NAALADL2: variants seen among roughly 807,000 people sequenced by gnomAD.
NAALADL2 encodes inactive N-acetylated-alpha-linked acidic dipeptidase-like protein 2.
NAALADL2 carries 76 observed loss-of-function variants against 87.2 expected under a neutral mutation model. The observed-to-expected ratio is 0.87, with a 90% CI of 0.72 to 1.05. NAALADL2 has a LOEUF of 1.05. NAALADL2 is among the 50% of genes least tolerant of loss of function. The pLI is 0.00. For synonymous variants in NAALADL2, 354 were observed against 331.0 expected (o/e 1.07, Z -0.75); for missense variants, 1,089 against 945.8 (o/e 1.15, Z -1.99).
intron 11 of NAALADL2, among the ~76,000 whole-genome samples, chr3:175,686,877 CA>C (rs1390946354): frequency 2.0e-5 from 3 of 152,118 alleles, no homozygotes; most frequent in Admixed American, 1.3e-4. Flanking sequence ...AATTCAATTG[CA>C]TAGTGTTTGC....
At chr3:174,596,772 A>G (rs1488424823) in intron 2 of NAALADL2, among the ~76,000 whole-genome samples, 2 of 152,160 alleles carry the variant, frequency 1.3e-5, no homozygotes, top group East Asian at 3.9e-4. Flanking sequence ...AAAAATGTTT[A>G]TCTCTTGTGA....
intron 3 of NAALADL2, among the ~76,000 whole-genome samples, chr3:174,739,720 TA>T (rs1560185278): frequency 6.6e-6 from 1 of 152,120 alleles, no homozygotes; most frequent in Non-Finnish European, 1.5e-5. Context: ...GGCCATGTTG[TA>T]ATGATTTTGA....
At chr3:175,749,205 G>A (rs1445637575) in intron 12 of NAALADL2, among the ~76,000 whole-genome samples, 1 of 106,196 alleles carries the variant, frequency 9.4e-6, no homozygotes, top group Non-Finnish European at 2.0e-5. Context: ...GGGAGGGGAG[G>A]GGAAGGGGAG....
At chr3:175,717,958 C>T (rs977264478) in intron 11 of NAALADL2, among the ~76,000 whole-genome samples, 1 of 151,482 alleles carries the variant, frequency 6.6e-6, no homozygotes, top group Admixed American at 6.6e-5. Flanking sequence ...TACAGGCGCC[C>T]ATCACCACAC....
chr3:174,993,075 C>G (rs955708029), intron 1 of NAALADL2, among the ~76,000 whole-genome samples: 1 of 151,936 alleles, frequency 6.6e-6, no homozygotes, highest in Non-Finnish European at 1.5e-5. Flanking sequence ...CATCTGTGTT[C>G]CCTACCTATA....
chr3:174,530,430 A>G (rs58136381), intron 1 of NAALADL2, among the ~76,000 whole-genome samples: 3,364 of 152,248 alleles, frequency 0.022, 124 homozygotes, highest in African/African-American at 0.07. Context: ...TGAACCCTGC[A>G]AACTGTTCCA....
chr3:174,843,744 T>C (rs1724279513), intron 3 of NAALADL2, among the ~76,000 whole-genome samples: 1 of 152,140 alleles, frequency 6.6e-6, no homozygotes, highest in African/African-American at 2.4e-5. Context: ...GGTGTTATCT[T>C]GTTGAGGTTT....
chr3:175,637,076 G>A (rs1728661045), intron 11 of NAALADL2, among the ~76,000 whole-genome samples: 1 of 152,188 alleles, frequency 6.6e-6, no homozygotes, highest in South Asian at 2.1e-4. Context: ...TTCAACATTT[G>A]ATCCAGCTTT....
intron 3 of NAALADL2, among the ~76,000 whole-genome samples, chr3:175,249,009 A>G (rs754514840): frequency 2.6e-5 from 4 of 152,062 alleles, no homozygotes; most frequent in Non-Finnish European, 4.4e-5. Flanking sequence ...TCTAGAGTCA[A>G]TGTTTGTTTC....
chr3:175,563,847 A>G (rs1317906423), intron 9 of NAALADL2, among the ~76,000 whole-genome samples: 1 of 152,164 alleles, frequency 6.6e-6, no homozygotes, highest in African/African-American at 2.4e-5. Flanking sequence ...AGCTACGGGT[A>G]GTATTTGGGT....
intron 1 of NAALADL2, among the ~76,000 whole-genome samples, chr3:174,989,437 T>A (rs1043619411): frequency 3.3e-5 from 5 of 152,142 alleles, no homozygotes; most frequent in Admixed American, 6.6e-5. Context: ...GTGTTTCAAT[T>A]TTTTCATAAA....
chr3:174,650,991 C>A (rs1183723628), intron 2 of NAALADL2, among the ~76,000 whole-genome samples: 2 of 151,962 alleles, frequency 1.3e-5, no homozygotes, highest in African/African-American at 4.8e-5. Flanking sequence ...GAACAACTGT[C>A]CAGGTTCTTT....
intron 3 of NAALADL2, among the ~76,000 whole-genome samples, chr3:174,739,289 GATGC>G (rs1363450554): frequency 1.3e-5 from 2 of 152,078 alleles, no homozygotes; most frequent in African/African-American, 2.4e-5. Context: ...CTTAGTGGAA[GATGC>G]GAAGTTGGCC....
At chr3:175,179,697 T>G (rs1316518285) in intron 2 of NAALADL2, among the ~76,000 whole-genome samples, 1 of 152,038 alleles carries the variant, frequency 6.6e-6, no homozygotes, top group Non-Finnish European at 1.5e-5. Context: ...CTACTGTCAC[T>G]ATTATAAGGA....
At chr3:175,468,124 A>C (rs1724361128) in intron 8 of NAALADL2, among the ~76,000 whole-genome samples, 2 of 151,902 alleles carry the variant, frequency 1.3e-5, no homozygotes, top group South Asian at 4.1e-4. Flanking sequence ...CTATTAAATC[A>C]AAGAAAATAT....
chr3:174,762,923 T>C (rs1246282516), intron 3 of NAALADL2, among the ~76,000 whole-genome samples: 1 of 152,214 alleles, frequency 6.6e-6, no homozygotes, highest in Non-Finnish European at 1.5e-5. Context: ...CTTTATAATG[T>C]ATAATTTACA....
chr3:175,082,048 A>ATGTGTG (rs146559489), intron 1 of NAALADL2, among the ~76,000 whole-genome samples: 32 of 150,808 alleles, frequency 2.1e-4, no homozygotes, highest in South Asian at 4.2e-4. Context: ...GTGTATGTGT[A>ATGTGTG]TGTGTGTGTG....
intron 5 of NAALADL2, among the ~76,000 whole-genome samples, chr3:175,384,982 C>T (rs1270900828): frequency 1.3e-5 from 2 of 151,948 alleles, no homozygotes; most frequent in Non-Finnish European, 2.9e-5. Flanking sequence ...GAACAGACTT[C>T]GGCCAAGGAC....
chr3:174,838,025 A>T (rs938548429), intron 3 of NAALADL2, among the ~76,000 whole-genome samples: 8 of 139,254 alleles, frequency 5.7e-5, no homozygotes, highest in Non-Finnish European at 9.3e-5. Context: ...AAAAAAGAAA[A>T]AAAAAAAAAA....
Sources: allele counts gnomAD v4.1 joint callset (sites outside exome capture counted in the v4.1 genomes callset), GRCh38; gene constraint gnomAD v4.1.1; transcripts MANE v1.5; gene names NCBI Gene and HGNC (gene_info 2026-07-23, HGNC 2026-07-21).